Variants in EIPR1 observed in about 807,000 individuals in gnomAD.
The protein encoded by EIPR1 is EARP complex and GARP complex interacting protein 1, also known as EARP and GARP complex-interacting protein 1.
Under a neutral mutation model 48.1 loss-of-function variants are expected in EIPR1, and 25 were observed. The ratio of observed to expected loss-of-function variants is 0.52; its 90% CI spans 0.38 to 0.73. The LOEUF (loss-of-function observed/expected upper bound fraction) is 0.73, where lower values mean the gene tolerates loss of function less well. Among genes scored for constraint, EIPR1 ranks in the 30% least tolerant of loss-of-function variants. The pLI is 0.00. For missense variants in EIPR1, 415 were observed against 506.2 expected (o/e 0.82, Z 1.73); for synonymous variants, 204 against 201.9 (o/e 1.01, Z -0.09).
intron 4 of EIPR1, among the ~76,000 whole-genome samples, chr2:3,231,466 C>G (rs1315592116): frequency 2.6e-5 from 4 of 152,200 alleles, no homozygotes; most frequent in African/African-American, 7.2e-5. Flanking sequence ...TAGTTGTTGG[C>G]TAACACACAT....
intron 3 of EIPR1, among the ~76,000 whole-genome samples, chr2:3,318,436 C>T (rs1056174945): frequency 1.3e-5 from 2 of 152,174 alleles, no homozygotes; most frequent in African/African-American, 2.4e-5. Context: ...ATAAACAGCA[C>T]ATTAATTCCA....
chr2:3,261,176 G>A (rs1454298098), intron 3 of EIPR1, among the ~76,000 whole-genome samples: 4 of 152,000 alleles, frequency 2.6e-5, no homozygotes, highest in Admixed American at 2.0e-4. Context: ...CCAGAGTGCC[G>A]GCCAAGGAAG....
chr2:3,190,709 G>A (rs1421617221), intron 8 of EIPR1, among the ~76,000 whole-genome samples: 8 of 152,132 alleles, frequency 5.3e-5, no homozygotes, highest in African/African-American at 1.4e-4. Context: ...CAGAGAGGAC[G>A]GTAAAGGGAG....
At chr2:3,344,432 G>A (rs1670341635) in intron 2 of EIPR1, among the ~76,000 whole-genome samples, 1 of 152,142 alleles carries the variant, frequency 6.6e-6, no homozygotes, top group African/African-American at 2.4e-5. Flanking sequence ...CTTCAGCTCA[G>A]TGCTGACATG....
chr2:3,201,052 A>G (rs1325628545), intron 5 of EIPR1, among the ~76,000 whole-genome samples: 1 of 152,184 alleles, frequency 6.6e-6, no homozygotes, highest in Non-Finnish European at 1.5e-5. Flanking sequence ...CGGGACCAAG[A>G]GGTAGGAACC....
intron 1 of EIPR1, among the ~76,000 whole-genome samples, chr2:3,372,445 T>C (rs1454705390): frequency 6.6e-6 from 1 of 151,598 alleles, no homozygotes; most frequent in Non-Finnish European, 1.5e-5. Context: ...ATCCAGGAGC[T>C]GGTTTTTTGA....
intron 1 of EIPR1, among the ~76,000 whole-genome samples, chr2:3,370,899 T>C (rs1250095085): frequency 1.3e-5 from 2 of 152,034 alleles, no homozygotes; most frequent in Admixed American, 6.6e-5. Context: ...GCCACAAAGA[T>C]ACTCCTCGAG....
intron 4 of EIPR1, among the ~76,000 whole-genome samples, chr2:3,243,811 C>A (rs1205351163): frequency 6.6e-6 from 1 of 152,186 alleles, no homozygotes; most frequent in Non-Finnish European, 1.5e-5. Context: ...CCCGGGCAAG[C>A]CTGTCCTTGG....
At chr2:3,195,853 C>A (rs532581604) in intron 6 of EIPR1, among the ~76,000 whole-genome samples, 1 of 152,226 alleles carries the variant, frequency 6.6e-6, no homozygotes, top group Non-Finnish European at 1.5e-5. Flanking sequence ...AGACACAACA[C>A]GGGCAAAATG....
At chr2:3,236,329 C>A (rs1317350419) in intron 4 of EIPR1, among the ~76,000 whole-genome samples, 1 of 152,196 alleles carries the variant, frequency 6.6e-6, no homozygotes, top group Non-Finnish European at 1.5e-5. Flanking sequence ...GCATCTCTGG[C>A]AAGTCAGGAA....
At chr2:3,190,366 C>G (rs114007583) in intron 8 of EIPR1, among the ~76,000 whole-genome samples, 15 of 152,202 alleles carry the variant, frequency 9.9e-5, no homozygotes, top group African/African-American at 1.7e-4. Flanking sequence ...CTTCACCCCC[C>G]CAGCAAGACG....
chr2:3,207,541 C>A (rs1184865478), intron 5 of EIPR1, among the ~76,000 whole-genome samples: 2 of 152,252 alleles, frequency 1.3e-5, no homozygotes, highest in Non-Finnish European at 2.9e-5. Flanking sequence ...GTGTTGGCCA[C>A]CAAAGCTCCA....
chr2:3,217,969 C>T (rs1352630850), intron 4 of EIPR1, among the ~76,000 whole-genome samples: 4 of 152,118 alleles, frequency 2.6e-5, no homozygotes, highest in Admixed American at 2.6e-4. Flanking sequence ...GGGGCACACC[C>T]AGCATGGCCC....
chr2:3,243,822 G>A (rs1317372270), intron 4 of EIPR1, among the ~76,000 whole-genome samples: 2 of 152,264 alleles, frequency 1.3e-5, no homozygotes, highest in East Asian at 3.9e-4. Flanking sequence ...CTGTCCTTGG[G>A]GCAGATATGG....
intron 4 of EIPR1, among the ~76,000 whole-genome samples, chr2:3,239,312 C>CA (rs1666517213): frequency 6.6e-6 from 1 of 152,206 alleles, no homozygotes; most frequent in Non-Finnish European, 1.5e-5. Flanking sequence ...CACAGGTACA[C>CA]ACAGAAGGGA....
At chr2:3,256,463 G>A (rs1425178902) in intron 4 of EIPR1, among the ~76,000 whole-genome samples, 1 of 152,160 alleles carries the variant, frequency 6.6e-6, no homozygotes, top group African/African-American at 2.4e-5. Context: ...GGTGTCCCTG[G>A]AGCCTGGCAG....
intron 1 of EIPR1, among the ~76,000 whole-genome samples, chr2:3,375,095 T>C (rs946890813): frequency 1.1e-4 from 17 of 150,884 alleles, no homozygotes; most frequent in Admixed American, 4.6e-4. Context: ...GTGGATGAAA[T>C]TGGAAATCAT....
chr2:3,204,160 G>A (rs1665143178), intron 5 of EIPR1, among the ~76,000 whole-genome samples: 1 of 152,234 alleles, frequency 6.6e-6, no homozygotes, highest in Non-Finnish European at 1.5e-5. Flanking sequence ...CTCAGAGGCG[G>A]GCTGTGGCCC....
intron 3 of EIPR1, among the ~76,000 whole-genome samples, chr2:3,300,431 C>T (rs1219810027): frequency 1.3e-5 from 2 of 152,144 alleles, no homozygotes; most frequent in Non-Finnish European, 2.9e-5. Context: ...GATGCAAGCA[C>T]CCCTCCTCTG....
Sources: gnomAD v4.1 joint callset for allele counts (sites outside exome capture counted in the v4.1 genomes callset) on GRCh38, gnomAD v4.1.1 for gene constraint, MANE v1.5 for transcripts, NCBI Gene and HGNC (gene_info 2026-07-23, HGNC 2026-07-21) for gene names.